Variants in COL21A1 observed in about 807,000 individuals in gnomAD.
COL21A1 encodes collagen alpha-1(XXI) chain.
In COL21A1, 149 loss-of-function variants were observed where a neutral mutation model predicts 137.9. That is an observed-to-expected ratio of 1.08 (90% CI 0.95 to 1.24). The LOEUF (loss-of-function observed/expected upper bound fraction) is 1.24. COL21A1 is among the 50% of genes most tolerant of loss of function. The pLI, the probability that COL21A1 is intolerant of heterozygous loss-of-function variation, is 0.00. For missense variants in COL21A1, 1,167 were observed against 1,158.4 expected, an observed-to-expected ratio of 1.01 and a Z score of -0.11; for synonymous variants, 456 against 391.5, an observed-to-expected ratio of 1.16 and a Z score of -1.95.
intron 1 of COL21A1, among the ~76,000 whole-genome samples, chr6:56,390,518 A>G (rs530868370): frequency 0.058 from 8,796 of 151,626 alleles, 343 homozygotes; most frequent in Non-Finnish European, 0.094. Flanking sequence ...ACACACACAC[A>G]CACACACACA....
intron 1 of COL21A1, among the ~76,000 whole-genome samples, chr6:56,333,613 T>G (rs1371700849): frequency 6.6e-6 from 1 of 152,150 alleles, no homozygotes; most frequent in Non-Finnish European, 1.5e-5. Context: ...AGTCTTTGTA[T>G]GGATGTATGC....
intron 1 of COL21A1, among the ~76,000 whole-genome samples, chr6:56,307,442 C>A (rs1207609676): frequency 6.6e-6 from 1 of 152,190 alleles, no homozygotes; most frequent in Non-Finnish European, 1.5e-5. Context: ...CTCCCCCAGC[C>A]TCGCTGCCGC....
intron 1 of COL21A1, among the ~76,000 whole-genome samples, chr6:56,292,391 A>ACCCCCCCCC (rs35462264): frequency 8.8e-5 from 11 of 125,234 alleles, no homozygotes; most frequent in East Asian, 2.8e-4. Flanking sequence ...CAAAACAGGG[A>ACCCCCCCCC]CCCCCCCCCT....
intron 9 of COL21A1, among the ~76,000 whole-genome samples, chr6:56,158,784 C>G (rs974929926): frequency 7.9e-5 from 12 of 152,008 alleles, no homozygotes; most frequent in African/African-American, 2.9e-4. Flanking sequence ...GTTCACTTAG[C>G]AGCTGCCCCC....
At chr6:56,233,241 G>A (rs546244268) in intron 1 of COL21A1, among the ~76,000 whole-genome samples, 1 of 151,616 alleles carries the variant, frequency 6.6e-6, no homozygotes. Flanking sequence ...AATTATTGGG[G>A]GCAAGCTCCA....
chr6:56,181,917 T>A (rs1777927400), intron 2 of COL21A1, among the ~76,000 whole-genome samples: 1 of 152,190 alleles, frequency 6.6e-6, no homozygotes, highest in African/African-American at 2.4e-5. Context: ...GCTTTAAATA[T>A]TATTGTATTA....
chr6:56,226,638 C>T (rs1781212693), intron 1 of COL21A1, among the ~76,000 whole-genome samples: 1 of 151,950 alleles, frequency 6.6e-6, no homozygotes, highest in Admixed American at 6.6e-5. Flanking sequence ...TGTGAAACCC[C>T]ATTTTCCTAA....
At chr6:56,344,579 A>G (rs1459621658) in intron 1 of COL21A1, among the ~76,000 whole-genome samples, 1 of 152,216 alleles carries the variant, frequency 6.6e-6, no homozygotes, top group Admixed American at 6.5e-5. Flanking sequence ...ATGAGAGTTC[A>G]GTTAATAATA....
chr6:56,207,356 C>T (rs1192632698), intron 1 of COL21A1, among the ~76,000 whole-genome samples: 1 of 152,102 alleles, frequency 6.6e-6, no homozygotes, highest in Non-Finnish European at 1.5e-5. Context: ...TAGGGGATAT[C>T]ACCACTGATC....
At chr6:56,386,600 G>GTT (rs869217165) in intron 1 of COL21A1, among the ~76,000 whole-genome samples, 1 of 137,200 alleles carries the variant, frequency 7.3e-6, no homozygotes, top group African/African-American at 2.5e-5. Flanking sequence ...TGTTGTTGTT[G>GTT]TTTTTTTTTA....
upstream of COL21A1, among the ~76,000 whole-genome samples, chr6:56,249,908 T>C (rs553514633): frequency 1.2e-3 from 190 of 152,346 alleles, no homozygotes; most frequent in South Asian, 5.6e-3. Context: ...ATTTGTACCC[T>C]TTTAGTGGGT....
intron 1 of COL21A1, among the ~76,000 whole-genome samples, chr6:56,268,336 C>A (rs1763443302): frequency 6.6e-6 from 1 of 152,162 alleles, no homozygotes; most frequent in Non-Finnish European, 1.5e-5. Context: ...TTCCAGGGAT[C>A]AGAATGAGCT....
At chr6:56,150,173 A>G (rs752669580) in intron 10 of COL21A1, among the ~76,000 whole-genome samples, 4 of 152,118 alleles carry the variant, frequency 2.6e-5, no homozygotes, top group Non-Finnish European at 5.9e-5. Flanking sequence ...TTAATGCTCC[A>G]TAGAAGGCTG....
At chr6:56,073,587 T>C (rs1766951082) in intron 20 of COL21A1, among the ~76,000 whole-genome samples, 1 of 151,392 alleles carries the variant, frequency 6.6e-6, no homozygotes, top group South Asian at 2.1e-4. Flanking sequence ...GGGAACAGTT[T>C]TCTGAGTGTT....
chr6:56,114,721 G>A (rs1389157141), intron 16 of COL21A1, among the ~76,000 whole-genome samples: 2 of 149,036 alleles, frequency 1.3e-5, no homozygotes, highest in Non-Finnish European at 3.0e-5. Flanking sequence ...TTACACTGTT[G>A]GTGGGACTGT....
At chr6:56,347,517 T>C (rs1261765601) in intron 1 of COL21A1, among the ~76,000 whole-genome samples, 5 of 127,182 alleles carry the variant, frequency 3.9e-5, no homozygotes, top group African/African-American at 1.5e-4. Context: ...AGGAAGCATT[T>C]AAAAAAAAAA....
At chr6:56,147,986 G>C (rs1246359810) in intron 10 of COL21A1, among the ~76,000 whole-genome samples, 1 of 152,004 alleles carries the variant, frequency 6.6e-6, no homozygotes, top group Non-Finnish European at 1.5e-5. Context: ...TCCCTCATAG[G>C]CTGTCTTCTG....
At chr6:56,283,237 CA>C (rs35555993) in intron 1 of COL21A1, among the ~76,000 whole-genome samples, 37,508 of 141,956 alleles carry the variant, frequency 0.26, 5,082 homozygotes, top group Non-Finnish European at 0.32. Flanking sequence ...TTTGTAAAAG[CA>C]AAAAAAAAAT....
chr6:56,193,108 T>C (rs1025646069), intron 1 of COL21A1, among the ~76,000 whole-genome samples: 1 of 151,694 alleles, frequency 6.6e-6, no homozygotes, highest in Non-Finnish European at 1.5e-5. Flanking sequence ...TAAGTGGGAG[T>C]TGAACAATGA....
Sources: allele counts gnomAD v4.1 joint callset (sites outside exome capture counted in the v4.1 genomes callset), GRCh38; gene constraint gnomAD v4.1.1; transcripts MANE v1.5; gene names NCBI Gene and HGNC (gene_info 2026-07-23, HGNC 2026-07-21).